STRBP: variants seen among roughly 807,000 people sequenced by gnomAD.
STRBP encodes spermatid perinuclear RNA binding protein, also known as spermatid perinuclear RNA-binding protein.
Under a neutral mutation model 80.1 loss-of-function variants are expected in STRBP, and 13 were observed. The ratio of observed to expected loss-of-function variants is 0.16; its 90% confidence interval spans 0.11 to 0.26. STRBP has a LOEUF of 0.26. Among genes scored for constraint, STRBP ranks in the 10% least tolerant of loss-of-function variants. STRBP has a pLI of 1.00. For missense variants in STRBP, 485 were observed against 815.2 expected (o/e 0.59, Z 4.93); for synonymous variants, 284 against 291.2 (o/e 0.98, Z 0.25).
At chr9:123,201,035 G>A (rs1191732687) in intron 2 of STRBP, among the ~76,000 whole-genome samples, 1 of 152,006 alleles carries the variant, frequency 6.6e-6, no homozygotes, top group African/African-American at 2.4e-5. Flanking sequence ...GGTGTTAATA[G>A]TAGTCTGGAA....
chr9:123,185,087 G>A (rs540190502), intron 2 of STRBP, among the ~76,000 whole-genome samples: 9 of 150,238 alleles, frequency 6.0e-5, no homozygotes, highest in African/African-American at 2.2e-4. Flanking sequence ...TACAAGAAAA[G>A]GAGAAAAAAA....
Position 123,122,609 on chromosome 9 carries a change from T to A in STRBP, c.*2988A>T. ...TAGTCAGCATGAGGTATGTTGGAAA[T>A]CTACTGGACCAATTACCTTGCACAA... On this transcript the variant is annotated 3_prime_UTR_variant, in exon 19 of 19. Coordinates refer to ENST00000348403, the MANE Select transcript of STRBP (RefSeq NM_018387.5). 2 of 1,073,422 alleles carry A rather than the reference T, an allele frequency of 1.9e-6. No individual in the cohort carries two copies. The highest frequency in any genetic ancestry group is 2.3e-6 in the Non-Finnish European group (2 of 883,644). 66.5% of individuals were successfully genotyped at this position (1,073,422 alleles called of 1,614,324 possible). A position where few individuals can be genotyped will look rare whatever the true frequency, so the allele number is the denominator to read the frequency against.
At chr9:123,191,201 G>A (rs1005146944) in intron 2 of STRBP, among the ~76,000 whole-genome samples, 13 of 152,226 alleles carry the variant, frequency 8.5e-5, no homozygotes, top group Non-Finnish European at 1.6e-4. Flanking sequence ...AATACATGGA[G>A]AGGGAGTGCC....
intron 4 of STRBP, among the ~76,000 whole-genome samples, chr9:123,175,123 G>A (rs749387276): frequency 3.3e-5 from 5 of 152,166 alleles, no homozygotes; most frequent in Admixed American, 6.6e-5. Context: ...CAAGAAATGT[G>A]AGCCTCAGAA....
intron 3 of STRBP, chr9:123,111,599 C>G: frequency 2.1e-6 from 1 of 478,860 alleles, no homozygotes; most frequent in Non-Finnish European, 4.3e-6. Flanking sequence ...CACTGCCTGA[C>G]AGACAAGAGC....
intron 2 of STRBP, among the ~76,000 whole-genome samples, chr9:123,215,529 C>T (rs2039866845): frequency 6.6e-6 from 1 of 152,220 alleles, no homozygotes; most frequent in African/African-American, 2.4e-5. Context: ...CATGGTGGCT[C>T]ATGCCTGTAA....
rs2041331685 is a variant in STRBP at position 123,268,558 on chromosome 9, GT to G, written c.-425del. 1 of 169,866 alleles carries G rather than the reference GT, an allele frequency of 5.9e-6. No homozygotes were observed. The highest frequency in any genetic ancestry group is 1.2e-5 in the Non-Finnish European group (1 of 80,458). The allele number at this position is 169,866 out of a possible 1,614,324, so 10.5% of individuals were successfully genotyped here. A position where few individuals can be genotyped will look rare whatever the true frequency, so the allele number is the denominator to read the frequency against. ...GGCGGCTGCGGCGGCTGCTGCCCTG[GT>G]GGCGCTCGCGGCTCCGGTCTCCGCT... On this transcript the variant is annotated 5_prime_UTR_variant, in exon 1 of 19. Transcript: ENST00000348403.
At chr9:123,186,145 C>G (rs2038690174) in intron 2 of STRBP, among the ~76,000 whole-genome samples, 1 of 151,746 alleles carries the variant, frequency 6.6e-6, no homozygotes, top group Non-Finnish European at 1.5e-5. Flanking sequence ...GAGTTTAAGA[C>G]CAGCCTGGGC....
intron 2 of STRBP, among the ~76,000 whole-genome samples, chr9:123,198,216 C>T (rs577599094): frequency 6.6e-6 from 1 of 152,208 alleles, no homozygotes; most frequent in Non-Finnish European, 1.5e-5. Context: ...TCTCAGCTCA[C>T]CGCAATCTCC....
chr9:123,190,724 C>A (rs946328486), intron 2 of STRBP, among the ~76,000 whole-genome samples: 5 of 152,204 alleles, frequency 3.3e-5, no homozygotes, highest in Non-Finnish European at 5.9e-5. Flanking sequence ...ACTGAATGAG[C>A]CAGCTAAGTC....
At position 123,123,562 on chromosome 9, in the gene STRBP, C is replaced by G; in HGVS notation, c.*2035G>C. ...AAAAAAAAAAAAGACTTGGTAGAAA[C>G]CATTTGAAATGACTGCCATCATGTT... On this transcript the variant is annotated 3_prime_UTR_variant, in exon 19 of 19. Coordinates refer to ENST00000348403, the MANE Select transcript of STRBP (RefSeq NM_018387.5). The G allele has an allele frequency of 1.0e-6, 1 of 984,676 alleles. No individual in the cohort carries two copies. Among genetic ancestry groups the G allele is most frequent in the Non-Finnish European group, 1.2e-6 (1 of 829,768 alleles). The allele number at this position is 984,676 out of a possible 1,614,324, so 61.0% of individuals were successfully genotyped here. A position where few individuals can be genotyped will look rare whatever the true frequency, so the allele number is the denominator to read the frequency against.
intron 6 of STRBP, among the ~76,000 whole-genome samples, chr9:123,166,102 C>T (rs1038468831): frequency 2.0e-5 from 3 of 152,120 alleles, no homozygotes; most frequent in African/African-American, 7.2e-5. Flanking sequence ...GGATAAAGGA[C>T]AGGCAAAAAG....
chr9:123,209,282 G>A (rs920354206), intron 2 of STRBP, among the ~76,000 whole-genome samples: 44 of 152,000 alleles, frequency 2.9e-4, no homozygotes, highest in Non-Finnish European at 1.2e-4. Context: ...AGAACATCAG[G>A]GTGAGCATAA....
chr9:123,133,088 G>C lies in STRBP; in HGVS notation c.1774-120C>G, dbSNP rs1312471876. The C allele has an allele frequency of 2.4e-6, 3 of 1,226,542 alleles. No homozygotes were observed. In the African/African-American group the frequency reaches 4.6e-5, roughly 19 times the overall value. The allele number at this position is 1,226,542 out of a possible 1,614,324, so 76.0% of individuals were successfully genotyped here. ...GAGCACGTGGGTGAGACCATGAGCT[G>C]TCTGTGATCTTGAACCTTCAATTTA... On this transcript the variant is annotated intron_variant, in intron 16 of 18. Transcript: ENST00000348403.
intron 11 of STRBP, among the ~76,000 whole-genome samples, chr9:123,148,204 G>A (rs545405550): frequency 6.6e-6 from 1 of 152,260 alleles, no homozygotes; most frequent in East Asian, 1.9e-4. Flanking sequence ...ATTAGGTGGT[G>A]GGGAACCTGG....
At position 123,136,364 on chromosome 9, in the gene STRBP, T is replaced by C. The variant is rs72753292; in HGVS notation, c.1632+17A>G. ...TTTGAGAAGAAAGATAAGGCTGGCTTGTGTCTGGGTACACACCTCCATTAC... is the reference window on the plus strand; with the variant it reads ...TTTGAGAAGAAAGATAAGGCTGGCTCGTGTCTGGGTACACACCTCCATTAC... On this transcript the variant is annotated intron_variant, in intron 15 of 18. Coordinates refer to ENST00000348403, the MANE Select transcript of STRBP (RefSeq NM_018387.5). The surrounding 1 kb of genome is among the most constrained non-coding windows in gnomAD (Gnocchi z 4.2). 280,376 of 1,612,626 alleles carry C rather than the reference T, an allele frequency of 0.17. 26,966 individuals are homozygous for C. Among genetic ancestry groups the C allele is most frequent in the Middle Eastern group, 0.23 (1,389 of 6,050 alleles).
intron 2 of STRBP, among the ~76,000 whole-genome samples, chr9:123,186,473 G>A (rs368881471): frequency 3.3e-5 from 5 of 152,084 alleles, no homozygotes; most frequent in African/African-American, 1.2e-4. Context: ...TTTAGCATGG[G>A]GGGTAACTAC....
At chr9:123,196,393 G>C (rs974605056) in intron 2 of STRBP, among the ~76,000 whole-genome samples, 4 of 152,092 alleles carry the variant, frequency 2.6e-5, no homozygotes, top group Admixed American at 6.6e-5. Context: ...AAGTTGAAAA[G>C]CTTCTGCAAA....
chr9:123,198,818 T>C (rs1382811576), intron 2 of STRBP, among the ~76,000 whole-genome samples: 1 of 152,240 alleles, frequency 6.6e-6, no homozygotes, highest in East Asian at 1.9e-4. Context: ...AGCTTGCCAA[T>C]TTTCCCAGGA....
Sources: gnomAD v4.1 joint callset for allele counts (sites outside exome capture counted in the v4.1 genomes callset) on GRCh38, gnomAD v4.1.1 for gene constraint, Gnocchi (gnomAD v3.1) non-coding constraint, MANE v1.5 for transcripts, NCBI Gene and HGNC (gene_info 2026-07-23, HGNC 2026-07-21) for gene names.